QTMAN: variants seen among roughly 807,000 people sequenced by gnomAD.
The protein encoded by QTMAN is queuosine-tRNA mannosyltransferase, also known as tRNA-queuosine alpha-mannosyltransferase.
At chr2:144,109,221 A>C in the QTMAN span, among the ~76,000 whole-genome samples, 5 of 152,356 alleles carry the variant, frequency 3.3e-5, no homozygotes, top group East Asian at 3.9e-4. Context: ...AATAGAACAG[A>C]GCCCTCAGAA....
chr2:144,289,505 G>T, the QTMAN span, among the ~76,000 whole-genome samples: 1 of 152,136 alleles, frequency 6.6e-6, no homozygotes, highest in Admixed American at 6.5e-5. Context: ...TATAGTAAAT[G>T]AAACAAGAAA....
chr2:144,177,680 G>T, the QTMAN span, among the ~76,000 whole-genome samples: 3 of 152,036 alleles, frequency 2.0e-5, no homozygotes, highest in African/African-American at 7.2e-5. Flanking sequence ...TATAACCAAA[G>T]AAGTACTAAA....
the QTMAN span, among the ~76,000 whole-genome samples, chr2:144,147,488 A>G: frequency 6.6e-6 from 1 of 151,910 alleles, no homozygotes. Flanking sequence ...ACAACAAAAT[A>G]TTAATTTCAA....
the QTMAN span, among the ~76,000 whole-genome samples, chr2:144,155,525 G>A: frequency 6.6e-6 from 1 of 152,160 alleles, no homozygotes; most frequent in East Asian, 1.9e-4. Context: ...ACATTGGAAT[G>A]TTCTTTGCCC....
the QTMAN span, among the ~76,000 whole-genome samples, chr2:144,022,985 TTC>T: frequency 9.8e-5 from 15 of 152,298 alleles, no homozygotes; most frequent in African/African-American, 3.6e-4. Flanking sequence ...TATTTTTTAT[TTC>T]TCATGTTTTC....
the QTMAN span, among the ~76,000 whole-genome samples, chr2:144,283,728 T>C: frequency 2.0e-5 from 3 of 151,992 alleles, no homozygotes; most frequent in African/African-American, 7.2e-5. Context: ...TAAGTGTATA[T>C]CCACTTTAAA....
chr2:143,961,171 T>C, the QTMAN span, among the ~76,000 whole-genome samples: 1 of 152,136 alleles, frequency 6.6e-6, no homozygotes, highest in Non-Finnish European at 1.5e-5. Flanking sequence ...AGGAGAGATA[T>C]AGCTGGAAAA....
At chr2:144,330,703 T>C in the QTMAN span, among the ~76,000 whole-genome samples, 2 of 152,138 alleles carry the variant, frequency 1.3e-5, no homozygotes, top group Non-Finnish European at 2.9e-5. Flanking sequence ...TAAGATACCA[T>C]AATCAAACAA....
the QTMAN span, among the ~76,000 whole-genome samples, chr2:144,256,734 A>C: frequency 1.4e-4 from 21 of 152,104 alleles, no homozygotes; most frequent in Non-Finnish European, 2.5e-4. Context: ...AAGGGAGGGA[A>C]AGGCATTAGG....
the QTMAN span, among the ~76,000 whole-genome samples, chr2:144,105,958 T>C: frequency 1.3e-5 from 2 of 152,180 alleles, no homozygotes; most frequent in Admixed American, 6.5e-5. Flanking sequence ...ATTCAACATT[T>C]TTAAAGAAAA....
At chr2:144,148,627 T>A in the QTMAN span, among the ~76,000 whole-genome samples, 2,088 of 151,924 alleles carry the variant, frequency 0.014, 46 homozygotes, top group African/African-American at 0.048. Flanking sequence ...GGACTATCTA[T>A]AGCTAATGTT....
At chr2:144,003,305 C>T in the QTMAN span, among the ~76,000 whole-genome samples, 1 of 151,088 alleles carries the variant, frequency 6.6e-6, no homozygotes, top group African/African-American at 2.4e-5. Context: ...TTTTTTGGTC[C>T]TTCCAGCAGT....
chr2:144,092,509 C>A, the QTMAN span, among the ~76,000 whole-genome samples: 1 of 152,086 alleles, frequency 6.6e-6, no homozygotes, highest in Non-Finnish European at 1.5e-5. Flanking sequence ...TTACTGTCTA[C>A]CAATTTACCT....
the QTMAN span, among the ~76,000 whole-genome samples, chr2:144,091,485 G>A: frequency 1.3e-5 from 2 of 152,202 alleles, no homozygotes; most frequent in African/African-American, 4.8e-5. Context: ...AAGAATAGAG[G>A]AAAATGTTAT....
chr2:144,039,132 TA>T, the QTMAN span, among the ~76,000 whole-genome samples: 9 of 152,070 alleles, frequency 5.9e-5, no homozygotes, highest in East Asian at 1.9e-4. Flanking sequence ...AGCATTCCAT[TA>T]AAAAAAATTC....
At chr2:144,305,124 A>G in the QTMAN span, among the ~76,000 whole-genome samples, 1 of 152,020 alleles carries the variant, frequency 6.6e-6, no homozygotes, top group African/African-American at 2.4e-5. Flanking sequence ...CAACATATTT[A>G]TTTTTTCTAC....
chr2:144,192,109 CT>C, the QTMAN span, among the ~76,000 whole-genome samples: 14,491 of 146,530 alleles, frequency 0.099, 813 homozygotes, highest in South Asian at 0.17. Flanking sequence ...ATCTTAACTC[CT>C]TTTTTTTTTT....
At chr2:144,096,792 T>A in the QTMAN span, among the ~76,000 whole-genome samples, 1 of 152,228 alleles carries the variant, frequency 6.6e-6, no homozygotes, top group Non-Finnish European at 1.5e-5. Context: ...TGACTGCGCA[T>A]CAAAGCTTAG....
chr2:144,156,719 T>C, the QTMAN span, among the ~76,000 whole-genome samples: 1 of 152,106 alleles, frequency 6.6e-6, no homozygotes, highest in South Asian at 2.1e-4. Context: ...AATGCTTCCG[T>C]TGATCACAAC....
Sources: gnomAD v4.1 joint callset for allele counts (sites outside exome capture counted in the v4.1 genomes callset) on GRCh38, gnomAD v4.1.1 for gene constraint, MANE v1.5 for transcripts, NCBI Gene and HGNC (gene_info 2026-07-23, HGNC 2026-07-21) for gene names.